The following ARHGAP6 variants were observed in gnomAD, a reference collection of about 807,000 sequenced individuals.
ARHGAP6 encodes Rho GTPase activating protein 6.
A neutral mutation model predicts 55.7 loss-of-function variants in ARHGAP6; 16 were observed. The ratio of observed to expected loss-of-function variants is 0.29; its 90% confidence interval spans 0.19 to 0.44. ARHGAP6 has a LOEUF of 0.44. Among genes scored for constraint, ARHGAP6 ranks in the 20% least tolerant of loss-of-function variants. The pLI is 1.00. For synonymous variants in ARHGAP6, 382 were observed against 360.9 expected, an observed-to-expected ratio of 1.06 and a Z score of -0.66; for missense variants, 698 against 808.9, an observed-to-expected ratio of 0.86 and a Z score of 1.66.
At chrX:11,505,514 A>T (rs960050817) in intron 1 of ARHGAP6, among the ~76,000 whole-genome samples, 1 of 111,472 alleles carries the variant, frequency 9.0e-6, no homozygotes. Context: ...AGCTAAAAAC[A>T]GAACCAACGT....
At chrX:11,623,566 G>A (rs112363423) in intron 1 of ARHGAP6, among the ~76,000 whole-genome samples, 3,346 of 108,290 alleles carry the variant, frequency 0.031, 70 homozygotes, top group Middle Eastern at 0.074. Flanking sequence ...GCATGGCGGC[G>A]GGCACCTGTA....
In ARHGAP6 at chrX:11,324,149, G is replaced by A. The variant is rs193040602; in HGVS notation, c.589-69442C>T. ...TAGATCAGCTGCAGACAAGAGCAGA[G>A]CTTTTGAAGGAAATTTTTCACAAGT... On this transcript the variant is annotated intron_variant, in intron 1 of 12. Coordinates refer to ENST00000337414, the MANE Select transcript of ARHGAP6 (RefSeq NM_013427.3). 4.6e-3 allele frequency among the ~76,000 whole-genome samples: 516 copies of A among 111,937 alleles called. 2 individuals are homozygous for A. The highest frequency in any genetic ancestry group is 0.016 in the African/African-American group (493 of 30,821).
At chrX:11,441,320 T>G (rs2050036680) in intron 1 of ARHGAP6, among the ~76,000 whole-genome samples, 1 of 112,000 alleles carries the variant, frequency 8.9e-6, no homozygotes, top group African/African-American at 3.2e-5. Context: ...AGGCTGTGCT[T>G]TGATAATTGG....
At chrX:11,517,550 T>A (rs2050855379) in intron 1 of ARHGAP6, among the ~76,000 whole-genome samples, 1 of 111,546 alleles carries the variant, frequency 9.0e-6, no homozygotes, top group Non-Finnish European at 1.9e-5. Context: ...TTAAAATGGT[T>A]ATCTTTAGCC....
At chrX:11,641,903 T>C (rs918953809) in intron 1 of ARHGAP6, among the ~76,000 whole-genome samples, 5 of 111,604 alleles carry the variant, frequency 4.5e-5, no homozygotes, top group Non-Finnish European at 7.6e-5. Context: ...CATCACTTGC[T>C]TTCTCTTCTT....
At chrX:11,154,164 A>G (rs936998780) in intron 10 of ARHGAP6, among the ~76,000 whole-genome samples, 10 of 111,673 alleles carry the variant, frequency 9.0e-5, no homozygotes, top group African/African-American at 3.3e-4. Context: ...TTATGGCTGC[A>G]TAGTATTCCA....
At chrX:11,141,905 T>C (rs2147265192) in intron 12 of ARHGAP6, among the ~76,000 whole-genome samples, 1 of 112,484 alleles carries the variant, frequency 8.9e-6, no homozygotes, top group Admixed American at 9.4e-5. Context: ...TTAGTATTGG[T>C]TTGTAAGCTA....
At chrX:11,254,841 A>G in intron 1 of ARHGAP6, 134 bp from the exon 2 acceptor site, 1 of 770,038 alleles carries the variant, frequency 1.3e-6, no homozygotes, top group Non-Finnish European at 1.8e-6. Context: ...CTCAATTCCC[A>G]AAGTCAAATC....
rs753366660 is a variant in ARHGAP6, at chrX:11,620,774, G to A, written c.588+43467C>T. Among the ~76,000 whole-genome samples, 4 of 112,164 alleles carry A rather than the reference G, an allele frequency of 3.6e-5. No homozygotes were observed. In the East Asian group the frequency reaches 1.1e-3, roughly 31 times the overall value. ...CATTTTTGGTGGTCATAACTGGAGG[G>A]AAGTTGGCACTAGTTGCATTTAGTG... On this transcript the variant is annotated intron_variant, in intron 1 of 12. Coordinates refer to ENST00000337414, the MANE Select transcript of ARHGAP6 (RefSeq NM_013427.3).
At chrX:11,278,325 T>A (rs1267226178) in intron 1 of ARHGAP6, among the ~76,000 whole-genome samples, 1 of 111,442 alleles carries the variant, frequency 9.0e-6, no homozygotes, top group Non-Finnish European at 1.9e-5. Flanking sequence ...GCCCTTAAAA[T>A]AGGACAACCC....
chrX:11,589,040 T>TG (rs1466385821), intron 1 of ARHGAP6, among the ~76,000 whole-genome samples: 1 of 96,649 alleles, frequency 1.0e-5, no homozygotes, highest in Non-Finnish European at 2.0e-5. Flanking sequence ...ACTGCTGCAT[T>TG]GGAATTTTTT....
rs1284242818 is a variant in ARHGAP6 at position 11,545,919 on chromosome X, G to A, written c.588+118322C>T. Among the ~76,000 whole-genome samples, 3 of 111,371 alleles carry A rather than the reference G, an allele frequency of 2.7e-5. No homozygotes were observed. The East Asian group carries it at 8.4e-4, about 31-fold the overall frequency. On this transcript the variant is annotated intron_variant, in intron 1 of 12. Coordinates refer to ENST00000337414, the MANE Select transcript of ARHGAP6 (RefSeq NM_013427.3). ...ATGTAAAGCTTCCCAATTTAGGAAG[G>A]TAAACGAGGGTGATGCCCATCTGGA... is the stretch of plus-strand genomic sequence containing the variant.
At chrX:11,574,675 A>T (rs1255023782) in intron 1 of ARHGAP6, among the ~76,000 whole-genome samples, 1 of 110,352 alleles carries the variant, frequency 9.1e-6, no homozygotes, top group Non-Finnish European at 1.9e-5. Context: ...CAAGACAGGG[A>T]TGCCCTCTCT....
At chrX:11,375,278 G>T (rs941636055) in intron 1 of ARHGAP6, among the ~76,000 whole-genome samples, 14 of 111,877 alleles carry the variant, frequency 1.3e-4, no homozygotes, top group Non-Finnish European at 2.4e-4. Flanking sequence ...ATCATTCTCT[G>T]CAATGTCCAT....
chrX:11,455,740 T>G (rs1452033363), intron 1 of ARHGAP6, among the ~76,000 whole-genome samples: 1 of 111,759 alleles, frequency 8.9e-6, no homozygotes, highest in Non-Finnish European at 1.9e-5. Flanking sequence ...AGGCACAGTG[T>G]TGGATTGAAA....
At chrX:11,430,654 A>G (rs2049932327) in intron 1 of ARHGAP6, among the ~76,000 whole-genome samples, 1 of 111,973 alleles carries the variant, frequency 8.9e-6, no homozygotes, top group African/African-American at 3.2e-5. Context: ...CTCTAATCAA[A>G]ATTTCTTATT....
At chrX:11,229,986 G>A (rs768694960) in intron 2 of ARHGAP6, among the ~76,000 whole-genome samples, 13 of 111,799 alleles carry the variant, frequency 1.2e-4, no homozygotes, top group African/African-American at 4.2e-4. Context: ...TTTACCCAAA[G>A]CATGTGTTGA....
intron 3 of ARHGAP6, among the ~76,000 whole-genome samples, chrX:11,192,192 G>T (rs2046469942): frequency 8.9e-6 from 1 of 112,140 alleles, no homozygotes; most frequent in South Asian, 3.7e-4. Context: ...AAGTTTGCCT[G>T]TTCTTCATGT....
chrX:11,393,254 A>C (rs1345799096), intron 1 of ARHGAP6, among the ~76,000 whole-genome samples: 1 of 111,024 alleles, frequency 9.0e-6, no homozygotes, highest in Admixed American at 9.6e-5. Flanking sequence ...ATACTTTTTT[A>C]AAGAAAACAA....
Sources: gnomAD v4.1 joint callset for allele counts (sites outside exome capture counted in the v4.1 genomes callset) on GRCh38, gnomAD v4.1.1 for gene constraint, MANE v1.5 for transcripts, NCBI Gene and HGNC (gene_info 2026-07-23, HGNC 2026-07-21) for gene names.